The following KIAA0825 variants were observed in gnomAD, a reference collection of about 807,000 sequenced individuals.
The protein encoded by KIAA0825 is KIAA0825.
In KIAA0825, 119 loss-of-function variants were observed where a neutral mutation model predicts 147.6. The observed-to-expected ratio is 0.81, with a 90% CI of 0.69 to 0.94. The LOEUF is 0.94. Among genes scored for constraint, KIAA0825 ranks in the 40% least tolerant of loss-of-function variants. The pLI, the probability that KIAA0825 is intolerant of heterozygous loss-of-function variation, is 0.00. For synonymous variants in KIAA0825, 470 were observed against 518.1 expected (o/e 0.91, Z 1.26); for missense variants, 1,381 against 1,472.7 (o/e 0.94, Z 1.02).
chr5:94,473,688 A>G (rs1761488654), intron 7 of KIAA0825, among the ~76,000 whole-genome samples, 169 bp from the exon 8 acceptor site: 1 of 152,220 alleles, frequency 6.6e-6, no homozygotes, highest in Non-Finnish European at 1.5e-5. Context: ...GAATAAAGCA[A>G]TATACAAAAA....
intron 20 of KIAA0825, among the ~76,000 whole-genome samples, chr5:94,281,174 TATTA>T (rs1403770744): frequency 2.0e-5 from 3 of 150,922 alleles, no homozygotes; most frequent in Middle Eastern, 3.2e-3. Flanking sequence ...TACTTTTATA[TATTA>T]ATTCAAACAT....
intron 7 of KIAA0825, among the ~76,000 whole-genome samples, chr5:94,475,049 A>G (rs1761704374): frequency 1.3e-5 from 2 of 151,990 alleles, no homozygotes; most frequent in South Asian, 4.2e-4. Flanking sequence ...AGATGGCACC[A>G]CTGCACTCCA....
intron 2 of KIAA0825, among the ~76,000 whole-genome samples, chr5:94,577,625 G>T (rs1781319114): frequency 6.6e-6 from 1 of 152,024 alleles, no homozygotes; most frequent in East Asian, 1.9e-4. Context: ...TTTCAAAGTG[G>T]TACTTTCCAA....
rs530062967 is a variant in KIAA0825 at position 94,420,058 on chromosome 5, T to A, written c.2498-2693A>T. 5.9e-5 allele frequency among the ~76,000 whole-genome samples: 9 copies of A among 152,160 alleles called. No homozygotes were observed. In the South Asian group the frequency reaches 1.5e-3, roughly 25 times the overall value. ...AAGAAGGAGTAGAAATTTATCAGCA[T>A]GACAAGATCAAGGTGGGGGGTACTT... On this transcript the variant is annotated intron_variant, in intron 14 of 20. Transcript: ENST00000682413.
At chr5:94,182,318 G>A (rs1769732410) in intron 20 of KIAA0825, among the ~76,000 whole-genome samples, 2 of 129,998 alleles carry the variant, frequency 1.5e-5, no homozygotes, top group African/African-American at 3.0e-5. Context: ...GGAGTGCAGT[G>A]GCATGATCTT....
chr5:94,591,454 C>T (rs1012483717), intron 1 of KIAA0825, among the ~76,000 whole-genome samples: 6 of 152,114 alleles, frequency 3.9e-5, no homozygotes, highest in African/African-American at 1.4e-4. Flanking sequence ...AATTAAATGT[C>T]TACAAAACTA....
intron 20 of KIAA0825, among the ~76,000 whole-genome samples, chr5:94,355,796 G>A (rs576957946): frequency 6.6e-6 from 1 of 152,278 alleles, no homozygotes; most frequent in East Asian, 1.9e-4. Flanking sequence ...TCAAGTTGGT[G>A]TTCATTGTAT....
chr5:94,301,292 A>G (rs1778388629), intron 20 of KIAA0825, among the ~76,000 whole-genome samples: 1 of 152,066 alleles, frequency 6.6e-6, no homozygotes, highest in African/African-American at 2.4e-5. Flanking sequence ...TCACACAGAC[A>G]TTTCATAATT....
chr5:94,510,518 A>C (rs1766335565), intron 5 of KIAA0825, among the ~76,000 whole-genome samples: 1 of 152,210 alleles, frequency 6.6e-6, no homozygotes, highest in African/African-American at 2.4e-5. Flanking sequence ...AGACAACAAC[A>C]TACTTACTTA....
chr5:94,595,163 G>A (rs1415704928), intron 1 of KIAA0825, among the ~76,000 whole-genome samples: 1 of 152,188 alleles, frequency 6.6e-6, no homozygotes, highest in Non-Finnish European at 1.5e-5. Flanking sequence ...TGGGGACTCT[G>A]TGTGGGGGCT....
At chr5:94,504,830 C>T (rs1489927289) in intron 5 of KIAA0825, among the ~76,000 whole-genome samples, 1 of 150,758 alleles carries the variant, frequency 6.6e-6, no homozygotes, top group Non-Finnish European at 1.5e-5. Context: ...TTACTGCAAC[C>T]TCTGCTTCCC....
intron 12 of KIAA0825, among the ~76,000 whole-genome samples, chr5:94,461,162 C>A: frequency 6.6e-6 from 1 of 152,010 alleles, no homozygotes; most frequent in East Asian, 1.9e-4. Context: ...TTAAAATATG[C>A]AATCTTTGAT....
At chr5:94,514,479 A>C (rs913701388) in intron 5 of KIAA0825, among the ~76,000 whole-genome samples, 3 of 152,200 alleles carry the variant, frequency 2.0e-5, no homozygotes, top group African/African-American at 7.2e-5. Context: ...TGGGATCTAA[A>C]AAAATGAGAA....
intron 1 of KIAA0825, chr5:94,618,064 T>C (rs569504862): frequency 2.0e-4 from 30 of 152,378 alleles, no homozygotes; most frequent in African/African-American, 6.5e-4. Context: ...ACTTCCTAAA[T>C]GTTTGTAAAA....
intron 3 of KIAA0825, among the ~76,000 whole-genome samples, chr5:94,533,138 C>T (rs1186333225): frequency 6.6e-6 from 1 of 151,450 alleles, no homozygotes; most frequent in African/African-American, 2.4e-5. Flanking sequence ...GCCACCACGC[C>T]CGGCTAATTT....
At chr5:94,205,440 T>C (rs1395625716) in intron 20 of KIAA0825, among the ~76,000 whole-genome samples, 3 of 151,480 alleles carry the variant, frequency 2.0e-5, no homozygotes, top group African/African-American at 7.3e-5. Context: ...TAGCTGGGAC[T>C]ACAGGTGCCC....
chr5:94,563,864 T>C (rs1778052615), intron 2 of KIAA0825, among the ~76,000 whole-genome samples: 1 of 151,896 alleles, frequency 6.6e-6, no homozygotes, highest in Non-Finnish European at 1.5e-5. Context: ...TTTGCATTTT[T>C]AGTTCGAGAT....
At chr5:94,520,032 T>C in intron 5 of KIAA0825, 1 of 1,135,700 alleles carries the variant, frequency 8.8e-7, no homozygotes, top group Non-Finnish European at 1.1e-6. Flanking sequence ...GGCTTATATT[T>C]CCAATATCTT....
At chr5:94,287,480 A>C (rs908275045) in intron 20 of KIAA0825, among the ~76,000 whole-genome samples, 1 of 152,204 alleles carries the variant, frequency 6.6e-6, no homozygotes, top group Non-Finnish European at 1.5e-5. Context: ...TGTTTCAAAA[A>C]CAAGTATAAT....
Sources: gnomAD v4.1 joint callset for allele counts (sites outside exome capture counted in the v4.1 genomes callset) on GRCh38, gnomAD v4.1.1 for gene constraint, MANE v1.5 for transcripts, NCBI Gene and HGNC (gene_info 2026-07-23, HGNC 2026-07-21) for gene names.